The following CDKAL1 variants were observed in gnomAD, a reference collection of about 807,000 sequenced individuals.
The protein encoded by CDKAL1 is threonylcarbamoyladenosine tRNA methylthiotransferase.
In CDKAL1, 32 loss-of-function variants were observed where a neutral mutation model predicts 68.2. That is an observed-to-expected ratio of 0.47 (90% confidence interval 0.35 to 0.63). CDKAL1 has a LOEUF of 0.63. Ranked by LOEUF, CDKAL1 falls within the 30% of genes least tolerant of loss-of-function variation. CDKAL1 has a pLI of 0.00. For missense variants in CDKAL1, 606 were observed against 696.7 expected (o/e 0.87, Z 1.47); for synonymous variants, 234 against 244.3 (o/e 0.96, Z 0.39).
intron 12 of CDKAL1, among the ~76,000 whole-genome samples, chr6:21,081,209 G>A (rs1185737655): frequency 1.3e-5 from 2 of 152,180 alleles, no homozygotes; most frequent in Non-Finnish European, 1.5e-5. Context: ...ACCAAAAGAG[G>A]AAGAAGATAT....
At chr6:21,084,634 A>G (rs372466986) in intron 12 of CDKAL1, among the ~76,000 whole-genome samples, 18 of 152,166 alleles carry the variant, frequency 1.2e-4, no homozygotes, top group East Asian at 1.2e-3. Flanking sequence ...CATTCCTCTC[A>G]ATGTTTATTA....
chr6:21,196,043 T>G (rs1778458239), intron 13 of CDKAL1, among the ~76,000 whole-genome samples: 1 of 152,228 alleles, frequency 6.6e-6, no homozygotes, highest in Non-Finnish European at 1.5e-5. Context: ...GCAAGTCTTT[T>G]TAACTCTGTA....
intron 7 of CDKAL1, among the ~76,000 whole-genome samples, chr6:20,759,279 T>G (rs577571145): frequency 6.6e-6 from 1 of 152,166 alleles, no homozygotes; most frequent in Non-Finnish European, 1.5e-5. Flanking sequence ...CAGTGGTTCA[T>G]GCCTGTAATC....
chr6:20,665,203 T>G (rs1436302921), intron 5 of CDKAL1, among the ~76,000 whole-genome samples: 1 of 152,100 alleles, frequency 6.6e-6, no homozygotes, highest in Non-Finnish European at 1.5e-5. Flanking sequence ...AGTAATCCTC[T>G]TATATAAAAA....
chr6:20,852,244 C>T (rs1180468459), intron 9 of CDKAL1, among the ~76,000 whole-genome samples: 2 of 152,062 alleles, frequency 1.3e-5, no homozygotes, highest in African/African-American at 4.8e-5. Flanking sequence ...AGTCCTGGCT[C>T]TTCAGAAGAA....
intron 6 of CDKAL1, among the ~76,000 whole-genome samples, chr6:20,746,632 A>T: frequency 6.6e-6 from 1 of 152,234 alleles, no homozygotes; most frequent in East Asian, 1.9e-4. Context: ...TGATTATTCA[A>T]TCAAACTTCG....
chr6:21,150,400 A>G (rs898527967), intron 13 of CDKAL1, among the ~76,000 whole-genome samples: 2 of 152,048 alleles, frequency 1.3e-5, no homozygotes, highest in African/African-American at 4.8e-5. Flanking sequence ...TTCCATGGCC[A>G]TTTCCTTTAG....
chr6:20,980,158 C>A (rs1766043665), intron 10 of CDKAL1, among the ~76,000 whole-genome samples: 1 of 151,516 alleles, frequency 6.6e-6, no homozygotes, highest in Non-Finnish European at 1.5e-5. Context: ...AAATAAAATA[C>A]AAACATTATT....
In CDKAL1 at chr6:21,000,215, C is replaced by T. The variant is rs373918749; in HGVS notation, c.910-12C>T. 6.2e-6 allele frequency: 10 copies of T among 1,606,322 alleles called. No individual in the cohort carries two copies. Among genetic ancestry groups the T allele is most frequent in the Admixed American group, 1.7e-5 (1 of 59,364 alleles). Reference sequence around the variant, plus strand: ...TAAAATGATTAGTGTTTTCTCCTTCCATTTTTTTAAGGAAATGGCAAAAAT... The same window carrying T: ...TAAAATGATTAGTGTTTTCTCCTTCTATTTTTTTAAGGAAATGGCAAAAAT... On this transcript the variant is annotated splice_polypyrimidine_tract_variant and intron_variant, in intron 10 of 15. Coordinates refer to ENST00000274695, the MANE Select transcript of CDKAL1 (RefSeq NM_017774.3).
At chr6:20,657,459 A>G (rs1371100472) in intron 5 of CDKAL1, among the ~76,000 whole-genome samples, 1 of 152,122 alleles carries the variant, frequency 6.6e-6, no homozygotes, top group Non-Finnish European at 1.5e-5. Context: ...TCTCTCGATC[A>G]TCTGCTTTTG....
At chr6:21,005,774 T>C (rs1012919153) in intron 11 of CDKAL1, among the ~76,000 whole-genome samples, 6 of 152,154 alleles carry the variant, frequency 3.9e-5, no homozygotes, top group African/African-American at 1.4e-4. Flanking sequence ...TTTAGCACTG[T>C]GATATTTATT....
At chr6:21,188,720 A>T (rs1244839558) in intron 13 of CDKAL1, among the ~76,000 whole-genome samples, 1 of 151,872 alleles carries the variant, frequency 6.6e-6, no homozygotes, top group African/African-American at 2.4e-5. Context: ...GGAAAAACAG[A>T]CCTGATGTAC....
chr6:21,016,777 C>G (rs74325657), intron 11 of CDKAL1, among the ~76,000 whole-genome samples: 6 of 152,112 alleles, frequency 3.9e-5, no homozygotes, highest in Non-Finnish European at 8.8e-5. Context: ...CACCAGGTCC[C>G]CTCAGTGTGT....
intron 10 of CDKAL1, among the ~76,000 whole-genome samples, chr6:20,989,102 T>C (rs1766653729): frequency 6.6e-6 from 1 of 152,038 alleles, no homozygotes; most frequent in South Asian, 2.1e-4. Context: ...CCAGAATACT[T>C]ACTGGCAAAC....
At chr6:21,147,112 G>A (rs914834408) in intron 13 of CDKAL1, among the ~76,000 whole-genome samples, 2 of 152,102 alleles carry the variant, frequency 1.3e-5, no homozygotes, top group Non-Finnish European at 2.9e-5. Context: ...AGAACCTACG[G>A]TCCAACAGGT....
chr6:21,177,629 A>G (rs1777635737), intron 13 of CDKAL1, among the ~76,000 whole-genome samples: 1 of 151,984 alleles, frequency 6.6e-6, no homozygotes, highest in South Asian at 2.1e-4. Flanking sequence ...TATGTCTTCA[A>G]CCTGGTTGGG....
At chr6:20,567,472 C>A (rs1425062646) in intron 4 of CDKAL1, among the ~76,000 whole-genome samples, 1 of 152,030 alleles carries the variant, frequency 6.6e-6, no homozygotes, top group Non-Finnish European at 1.5e-5. Flanking sequence ...CCATTTCAAT[C>A]TATTTAAACG....
chr6:20,560,359 G>A (rs1189297367), intron 4 of CDKAL1, among the ~76,000 whole-genome samples: 1 of 152,148 alleles, frequency 6.6e-6, no homozygotes, highest in Non-Finnish European at 1.5e-5. Flanking sequence ...ATACCCGTCT[G>A]CAATATGTGT....
At chr6:20,673,508 A>T (rs1033311952) in intron 5 of CDKAL1, among the ~76,000 whole-genome samples, 1 of 152,162 alleles carries the variant, frequency 6.6e-6, no homozygotes, top group Admixed American at 6.5e-5. Flanking sequence ...TCCCCTGAGT[A>T]TTTTTGATCC....
Sources: allele counts gnomAD v4.1 joint callset (sites outside exome capture counted in the v4.1 genomes callset), GRCh38; gene constraint gnomAD v4.1.1; transcripts MANE v1.5; gene names NCBI Gene and HGNC (gene_info 2026-07-23, HGNC 2026-07-21).